Variants in MME observed in about 807,000 individuals in gnomAD.
MME encodes membrane metalloendopeptidase.
In MME, 98 loss-of-function variants were observed where a neutral mutation model predicts 113.2. That is an observed-to-expected ratio of 0.87 (90% CI 0.74 to 1.02). MME has a LOEUF of 1.02. Among genes scored for constraint, MME ranks in the 50% least tolerant of loss-of-function variants. MME has a pLI of 0.00. For synonymous variants in MME, 292 were observed against 300.6 expected (o/e 0.97, Z 0.30); for missense variants, 836 against 896.0 (o/e 0.93, Z 0.86).
chr3:155,166,350 G>A (rs1469944339), intron 17 of MME, among the ~76,000 whole-genome samples: 1 of 152,148 alleles, frequency 6.6e-6, no homozygotes. Context: ...GTAGTCATAA[G>A]TGCCTTGATG....
In MME at chr3:155,116,850, T is replaced by C. The variant is rs201176719; in HGVS notation, c.536-18T>C. The C allele has an allele frequency of 1.1e-5, 17 of 1,565,154 alleles. No individual in the cohort carries two copies. Among genetic ancestry groups the C allele is most frequent in the Non-Finnish European group, 1.5e-5 (17 of 1,136,044 alleles). ...AACTAAAGCTTCTAAAGATATATTT[T>C]ATCTTTTATTGCTTTAGGTGCTTCT... is the stretch of plus-strand genomic sequence containing the variant. On this transcript the variant is annotated intron_variant, in intron 6 of 22. Coordinates refer to ENST00000360490, the MANE Select transcript of MME (RefSeq NM_007289.4).
intron 1 of MME, among the ~76,000 whole-genome samples, chr3:155,046,423 C>T (rs1350711634): frequency 2.6e-5 from 4 of 152,290 alleles, no homozygotes; most frequent in South Asian, 4.1e-4. Flanking sequence ...AGTGATGGCT[C>T]ATGCCTGTAA....
At position 155,147,559 on chromosome 3, in the gene MME, C is replaced by T. The variant is rs73875827; in HGVS notation, c.1497+335C>T. Among the ~76,000 whole-genome samples, 900 of 152,248 alleles carry T rather than the reference C, an allele frequency of 5.9e-3. 8 individuals are homozygous for T. Among genetic ancestry groups the T allele is most frequent in the African/African-American group, 0.021 (865 of 41,560 alleles). On this transcript the variant is annotated intron_variant, in intron 15 of 22. Coordinates refer to ENST00000360490, the MANE Select transcript of MME (RefSeq NM_007289.4). ...TTCTTATCACATTTTACACAGGCTT[C>T]GAGTTTCCCTCCACCTTCTAAGTTT...
intron 1 of MME, among the ~76,000 whole-genome samples, chr3:155,029,556 C>CG (rs1712898588): frequency 1.3e-5 from 2 of 149,480 alleles, no homozygotes; most frequent in African/African-American, 5.1e-5. Context: ...TAATTTAGCT[C>CG]AAGCCAAGTC....
chr3:155,119,919 G>C (rs1209240444), intron 8 of MME, among the ~76,000 whole-genome samples: 6 of 78,690 alleles, frequency 7.6e-5, no homozygotes, highest in Non-Finnish European at 1.5e-4. Context: ...TAGTCATTTG[G>C]GTATATACCC....
intron 17 of MME, among the ~76,000 whole-genome samples, chr3:155,161,512 A>G (rs1240232988): frequency 1.3e-5 from 2 of 152,180 alleles, no homozygotes; most frequent in Non-Finnish European, 2.9e-5. Context: ...CTAAAAAAAA[A>G]CTAACCTTAA....
At chr3:155,063,225 TATATTATTATATATTATATAATA>T (rs1242627197) in intron 1 of MME, among the ~76,000 whole-genome samples, 3 of 114,160 alleles carry the variant, frequency 2.6e-5, no homozygotes, top group African/African-American at 9.9e-5. Flanking sequence ...TATACATATG[TATATTATTATATATTATATAATA>T]ATATACATAT....
intron 3 of MME, chr3:155,090,072 C>T (rs1171541083): frequency 8.4e-6 from 2 of 239,128 alleles, no homozygotes; most frequent in Non-Finnish European, 1.8e-5. Flanking sequence ...GTGATCAATA[C>T]AGTTTACAAG....
At chr3:155,065,484 G>A (rs1266836341) in intron 1 of MME, among the ~76,000 whole-genome samples, 2 of 152,138 alleles carry the variant, frequency 1.3e-5, no homozygotes, top group African/African-American at 2.4e-5. Context: ...CCCCCAGCAC[G>A]AGCTACAGAA....
chr3:155,114,917 A>C, intron 3 of MME, 77 bp from the exon 4 acceptor site: 1 of 1,451,154 alleles, frequency 6.9e-7, no homozygotes. Flanking sequence ...AAAAGGGAGC[A>C]ATAAGCCTTT....
intron 1 of MME, among the ~76,000 whole-genome samples, chr3:155,070,614 C>T (rs1714519319): frequency 6.6e-6 from 1 of 152,074 alleles, no homozygotes; most frequent in African/African-American, 2.4e-5. Context: ...AAGCATGGAA[C>T]ATAAAAGTCT....
chr3:155,156,176 G>T (rs746888255), intron 16 of MME, among the ~76,000 whole-genome samples: 2 of 152,158 alleles, frequency 1.3e-5, no homozygotes, highest in Non-Finnish European at 2.9e-5. Context: ...GGAGTCAGGG[G>T]GTGAGGGGAG....
chr3:155,106,655 G>A (rs147046563), intron 3 of MME, among the ~76,000 whole-genome samples: 2 of 152,300 alleles, frequency 1.3e-5, no homozygotes, highest in East Asian at 3.9e-4. Context: ...CTGAATTGTG[G>A]TTGGGGGGAT....
At chr3:155,057,354 C>G (rs1484237506) in intron 1 of MME, among the ~76,000 whole-genome samples, 2 of 152,138 alleles carry the variant, frequency 1.3e-5, no homozygotes, top group Non-Finnish European at 1.5e-5. Flanking sequence ...AAATGCTCAT[C>G]ATCACTGGCC....
intron 10 of MME, among the ~76,000 whole-genome samples, chr3:155,140,833 A>G (rs190079780): frequency 1.2e-4 from 19 of 152,318 alleles, no homozygotes; most frequent in Non-Finnish European, 2.4e-4. Flanking sequence ...GGACAGTCAC[A>G]CAATAAAAGC....
intron 1 of MME, among the ~76,000 whole-genome samples, chr3:155,038,884 G>A (rs919370701): frequency 1.3e-5 from 2 of 151,892 alleles, no homozygotes; most frequent in Non-Finnish European, 2.9e-5. Context: ...CCTTTGCTTT[G>A]GGGCATTATC....
chr3:155,137,213 G>C (rs568496039), intron 8 of MME, among the ~76,000 whole-genome samples: 1 of 152,272 alleles, frequency 6.6e-6, no homozygotes, highest in South Asian at 2.1e-4. Flanking sequence ...AAATTTTACA[G>C]TAACAGGAGC....
At chr3:155,084,942 T>C (rs1715533170) in intron 2 of MME, 117 bp from the exon 3 acceptor site, 1 of 650,466 alleles carries the variant, frequency 1.5e-6, no homozygotes, top group African/African-American at 1.8e-5. Context: ...GTTCAGTTTT[T>C]AGTTCTTGCT....
chr3:155,130,904 A>T (rs1043068931), intron 8 of MME, among the ~76,000 whole-genome samples: 2 of 152,210 alleles, frequency 1.3e-5, no homozygotes, highest in Non-Finnish European at 2.9e-5. Context: ...TATGTGACAG[A>T]TACTTTTCTA....
Sources: gnomAD v4.1 joint callset for allele counts (sites outside exome capture counted in the v4.1 genomes callset) on GRCh38, gnomAD v4.1.1 for gene constraint, MANE v1.5 for transcripts, NCBI Gene and HGNC (gene_info 2026-07-23, HGNC 2026-07-21) for gene names.